Variants in RBFOX1 observed in about 807,000 individuals in gnomAD.
RBFOX1 encodes the protein RNA binding protein fox-1 homolog 1.
RBFOX1 carries 8 observed loss-of-function variants against 57.7 expected under a neutral mutation model. The observed-to-expected ratio is 0.14, with a 90% CI of 0.08 to 0.25. The LOEUF (loss-of-function observed/expected upper bound fraction) is 0.25. Ranked by LOEUF, RBFOX1 falls within the 10% of genes least tolerant of loss-of-function variation. The probability of loss-of-function intolerance (pLI) is 1.00; values close to 1 mark genes in which losing one functional copy is unlikely to be tolerated. For synonymous variants in RBFOX1, 326 were observed against 222.4 expected (o/e 1.47, Z -4.15); for missense variants, 611 against 548.5 (o/e 1.11, Z -1.14).
intron 4 of RBFOX1, among the ~76,000 whole-genome samples, chr16:7,188,509 T>C (rs1359395117): frequency 1.3e-5 from 2 of 152,212 alleles, no homozygotes; most frequent in Non-Finnish European, 2.9e-5. Context: ...AGGAAATGTT[T>C]TGCTGTGTGT....
chr16:6,400,916 A>G (rs1044634954), intron 2 of RBFOX1, among the ~76,000 whole-genome samples: 5 of 152,208 alleles, frequency 3.3e-5, no homozygotes, highest in African/African-American at 1.2e-4. Context: ...CAGCATTGAT[A>G]GTACCTGATG....
chr16:6,873,641 A>G (rs896107885), intron 3 of RBFOX1, among the ~76,000 whole-genome samples: 1 of 152,178 alleles, frequency 6.6e-6, no homozygotes, highest in Non-Finnish European at 1.5e-5. Flanking sequence ...ACCAGCCATG[A>G]GATTCTCTGC....
chr16:6,566,695 C>G (rs942063664), intron 2 of RBFOX1, among the ~76,000 whole-genome samples: 4 of 152,182 alleles, frequency 2.6e-5, no homozygotes, highest in African/African-American at 9.7e-5. Flanking sequence ...AATCAGTATT[C>G]CATCCACTTT....
At chr16:6,522,140 C>T (rs1190956938) in intron 2 of RBFOX1, among the ~76,000 whole-genome samples, 4 of 148,274 alleles carry the variant, frequency 2.7e-5, no homozygotes, top group Non-Finnish European at 5.9e-5. Flanking sequence ...TTTAATGGCA[C>T]TCTGGGGACC....
At chr16:6,516,122 A>G (rs115304868) in intron 2 of RBFOX1, among the ~76,000 whole-genome samples, 139 of 152,228 alleles carry the variant, frequency 9.1e-4, no homozygotes, top group African/African-American at 3.3e-3. Context: ...TCCGCCGCCC[A>G]GGTTCAAGCA....
chr16:7,630,331 C>T (rs1000115339), intron 10 of RBFOX1, among the ~76,000 whole-genome samples: 5 of 152,002 alleles, frequency 3.3e-5, no homozygotes, highest in African/African-American at 4.8e-5. Context: ...CATTCCTGAT[C>T]TGAACCTGGG....
chr16:7,516,947 T>G (rs1432123221), intron 4 of RBFOX1, among the ~76,000 whole-genome samples: 1 of 152,178 alleles, frequency 6.6e-6, no homozygotes, highest in Admixed American at 6.5e-5. Context: ...AAGGAGAAAT[T>G]CTGATATTTT....
rs34056673 is a variant in RBFOX1 at position 7,023,564 on chromosome 16, T to TAAAAAAAAAAAAA, written c.-15-28475_-15-28463dup. Reference sequence around the variant, plus strand: ...CAACATGGTGAAACTTCGTCTGTACTAAAAAAAAAAAAAAAAAAAAAAAAA... The same window carrying TAAAAAAAAAAAAA: ...CAACATGGTGAAACTTCGTCTGTACTAAAAAAAAAAAAAAAAAAAAAAAAAAAAAAAAAAAAAA... On this transcript the variant is annotated intron_variant, in intron 3 of 15. Coordinates refer to ENST00000550418, the MANE Select transcript of RBFOX1 (RefSeq NM_018723.4). Among the ~76,000 whole-genome samples, 29 of 43,928 alleles carry TAAAAAAAAAAAAA rather than the reference T, an allele frequency of 6.6e-4. 2 individuals are homozygous for TAAAAAAAAAAAAA. Among genetic ancestry groups the TAAAAAAAAAAAAA allele is most frequent in the African/African-American group, 1.4e-3 (16 of 11,190 alleles). The allele number at this position is 43,928 out of a possible 152,430, so 28.8% of individuals were successfully genotyped here.
At chr16:6,661,087 C>G (rs780866290) in intron 3 of RBFOX1, among the ~76,000 whole-genome samples, 1 of 152,178 alleles carries the variant, frequency 6.6e-6, no homozygotes, top group Non-Finnish European at 1.5e-5. Flanking sequence ...TGTTATTCAG[C>G]TAAATGTGGC....
intron 1 of RBFOX1, among the ~76,000 whole-genome samples, chr16:6,087,610 G>A (rs971331253): frequency 1.3e-5 from 2 of 151,768 alleles, no homozygotes; most frequent in African/African-American, 4.8e-5. Context: ...TCCATTGTAT[G>A]GATGCAGCAT....
At chr16:5,711,326 G>A (rs1041789364) in intron 3 of RBFOX1, among the ~76,000 whole-genome samples, 1 of 152,156 alleles carries the variant, frequency 6.6e-6, no homozygotes, top group Admixed American at 6.5e-5. Flanking sequence ...AGGTTAAGTG[G>A]CCCAAGGTCA....
chr16:6,165,168 T>C (rs1264932178), intron 1 of RBFOX1, among the ~76,000 whole-genome samples: 1 of 152,192 alleles, frequency 6.6e-6, no homozygotes, highest in Non-Finnish European at 1.5e-5. Flanking sequence ...AGTAATAGTA[T>C]TAATACCCAC....
chr16:7,314,654 A>T (rs1490978532), intron 4 of RBFOX1, among the ~76,000 whole-genome samples: 1 of 152,072 alleles, frequency 6.6e-6, no homozygotes, highest in African/African-American at 2.4e-5. Flanking sequence ...GTCTGTGAAA[A>T]TGGGCTGACA....
chr16:7,082,425 A>G (rs1182056537), intron 4 of RBFOX1, among the ~76,000 whole-genome samples: 1 of 151,958 alleles, frequency 6.6e-6, no homozygotes, highest in Non-Finnish European at 1.5e-5. Flanking sequence ...TACCAAAAAT[A>G]TCAAAAATTA....
chr16:7,368,751 G>A (rs912492576), intron 4 of RBFOX1, among the ~76,000 whole-genome samples: 7 of 147,234 alleles, frequency 4.8e-5, no homozygotes, highest in Non-Finnish European at 8.9e-5. Flanking sequence ...CTGCACTCCA[G>A]CCTGGGTGAC....
At chr16:7,687,919 A>G (rs1003224346) in intron 14 of RBFOX1, among the ~76,000 whole-genome samples, 2 of 152,006 alleles carry the variant, frequency 1.3e-5, no homozygotes, top group African/African-American at 2.4e-5. Context: ...TTTTTCAGGC[A>G]TATCTGTACA....
intron 2 of RBFOX1, among the ~76,000 whole-genome samples, chr16:6,627,995 G>C (rs1011508640): frequency 7.2e-5 from 11 of 152,222 alleles, no homozygotes; most frequent in African/African-American, 2.7e-4. Context: ...CCATGTGATT[G>C]TTACTGCAGC....
At chr16:5,915,861 A>G (rs1056452402) in intron 4 of RBFOX1, among the ~76,000 whole-genome samples, 7 of 152,142 alleles carry the variant, frequency 4.6e-5, no homozygotes, top group African/African-American at 7.2e-5. Context: ...ATAGACTACA[A>G]TATGACACAT....
At chr16:6,598,712 C>G (rs978978756) in intron 2 of RBFOX1, among the ~76,000 whole-genome samples, 1 of 152,160 alleles carries the variant, frequency 6.6e-6, no homozygotes, top group African/African-American at 2.4e-5. Context: ...CTTTGGGTGG[C>G]TGAGGCAGGC....
Sources: gnomAD v4.1 joint callset for allele counts (sites outside exome capture counted in the v4.1 genomes callset) on GRCh38, gnomAD v4.1.1 for gene constraint, MANE v1.5 for transcripts, NCBI Gene and HGNC (gene_info 2026-07-23, HGNC 2026-07-21) for gene names.